The following IQGAP3 variants were observed in gnomAD, a reference collection of about 807,000 sequenced individuals.
The protein encoded by IQGAP3 is IQ motif containing GTPase activating protein 3.
A neutral mutation model predicts 208.2 loss-of-function variants in IQGAP3; 165 were observed. The ratio of observed to expected loss-of-function variants is 0.79; its 90% CI spans 0.70 to 0.90. The LOEUF (loss-of-function observed/expected upper bound fraction) is 0.90. Ranked by LOEUF, IQGAP3 falls within the 40% of genes least tolerant of loss-of-function variation. The pLI is 0.00. For missense variants in IQGAP3, 1,811 were observed against 2,043.1 expected (o/e 0.89, Z 2.19); for synonymous variants, 703 against 803.6 (o/e 0.87, Z 2.12).
At position 156,544,152 on chromosome 1, in the gene IQGAP3, A is replaced by G. The variant is rs752288978; in HGVS notation, c.2460T>C (p.Asn820=). Residue 820 remains asparagine (N), a splice_region_variant and synonymous_variant, in exon 21 of 38, where the codon AAT becomes AAC. Coordinates refer to ENST00000361170, the MANE Select transcript of IQGAP3 (RefSeq NM_178229.5). The stretch of plus-strand genomic sequence containing the variant: ...GCAGGGGGAACAAGGTGACACTCAC[A>G]TTCTTCTGGAAGTAGTGCAGACGCC... The part of the protein sequence containing the change: ...YLRRLHYFQK[N]VNSIVKIQAF... 10 of 1,614,036 alleles carry G rather than the reference A, an allele frequency of 6.2e-6. No individual in the cohort carries two copies. The highest frequency in any genetic ancestry group is 8.5e-6 in the Non-Finnish European group (10 of 1,180,002).
At chr1:156,538,233 T>G (rs1159897340) in intron 26 of IQGAP3, among the ~76,000 whole-genome samples, 1 of 152,208 alleles carries the variant, frequency 6.6e-6, no homozygotes, top group African/African-American at 2.4e-5. Flanking sequence ...GCTAATTTTT[T>G]GTATTTTTAG....
At chr1:156,555,010 T>C (rs1675760182) in intron 12 of IQGAP3, among the ~76,000 whole-genome samples, 1 of 151,990 alleles carries the variant, frequency 6.6e-6, no homozygotes, top group East Asian at 1.9e-4. Context: ...GCCGAGATCA[T>C]GCCACTGCAC....
chr1:156,543,205 G>A (rs970166043), intron 22 of IQGAP3, among the ~76,000 whole-genome samples: 1 of 152,140 alleles, frequency 6.6e-6, no homozygotes, highest in Admixed American at 6.6e-5. Flanking sequence ...TAGGGAAGGA[G>A]AGAAAGAAGC....
intron 19 of IQGAP3, among the ~76,000 whole-genome samples, chr1:156,544,872 C>A (rs982875980): frequency 6.6e-6 from 1 of 152,220 alleles, no homozygotes; most frequent in Non-Finnish European, 1.5e-5. Flanking sequence ...AGACCACCCA[C>A]ACACTATCAC....
At chr1:156,547,005 G>A (rs1408034548) in intron 19 of IQGAP3, among the ~76,000 whole-genome samples, 3 of 152,214 alleles carry the variant, frequency 2.0e-5, no homozygotes, top group African/African-American at 4.8e-5. Flanking sequence ...CAAGTGGCAT[G>A]CTCTTGGCAT....
At chr1:156,529,343 T>A (rs1037717248) in intron 34 of IQGAP3, among the ~76,000 whole-genome samples, 7 of 152,180 alleles carry the variant, frequency 4.6e-5, no homozygotes, top group Non-Finnish European at 8.8e-5. Flanking sequence ...CTTTTGTAGG[T>A]CATAAGCTGA....
intron 23 of IQGAP3, 90 bp from the exon 24 acceptor site, chr1:156,540,080 A>T: frequency 6.9e-7 from 1 of 1,452,396 alleles, no homozygotes; most frequent in Non-Finnish European, 9.6e-7. Context: ...TTGAAGAGCC[A>T]GGGCTTTCTG....
At chr1:156,560,809 T>A in intron 11 of IQGAP3, 125 bp downstream of exon 11, 1 of 645,936 alleles carries the variant, frequency 1.5e-6, no homozygotes. Context: ...GGGGAGAAGT[T>A]CCTAGCCAGG....
In IQGAP3 at chr1:156,527,962, A is replaced by G; in HGVS notation, c.4772T>C (p.Leu1591Pro). 1 of 1,611,840 alleles carries G rather than the reference A, an allele frequency of 6.2e-7. No homozygotes were observed. Among genetic ancestry groups the G allele is most frequent in the Non-Finnish European group, 8.5e-7 (1 of 1,177,904 alleles). The change falls in exon 37 of 38, where the codon CTT becomes CCT. Residue 1591 changes from leucine (L) to proline (P), a missense_variant. Leu to Pro is a moderately conservative substitution (Grantham distance 98, BLOSUM62 -3). Transcript: ENST00000361170. ...GGACTGTCCCCTCACCTGATAGTGA[A>G]GCTGAAATCGCTCCATGTCCACACC... is the stretch of plus-strand genomic sequence containing the variant. ...FLGVDMERFQ[L>P]HYQDLLQLQY...
intron 19 of IQGAP3, among the ~76,000 whole-genome samples, chr1:156,546,288 T>A (rs993325223): frequency 7.2e-5 from 11 of 152,150 alleles, no homozygotes; most frequent in Non-Finnish European, 1.5e-4. Flanking sequence ...AAGCCTCATT[T>A]TGGATTTTCC....
chr1:156,538,269 C>T (rs925186049), intron 26 of IQGAP3, among the ~76,000 whole-genome samples: 6 of 152,144 alleles, frequency 3.9e-5, no homozygotes, highest in Admixed American at 2.0e-4. Context: ...ACCATGTTAG[C>T]CAGGATAGTC....
Position 156,533,923 on chromosome 1 carries a change from T to C in IQGAP3, c.3874-48A>G, listed in dbSNP as rs114248519. The C allele has an allele frequency of 8.0e-4, 1,290 of 1,604,000 alleles. 5 individuals are homozygous for C. The African/African-American group carries it at 0.016, about 19-fold the overall frequency. ...GAGATGCAGGGTCTGAGCCAGGTCTTCCCTCTGGGGCCAGCCCACTACCCC... is the reference window on the plus strand; with the variant it reads ...GAGATGCAGGGTCTGAGCCAGGTCTCCCCTCTGGGGCCAGCCCACTACCCC... On this transcript the variant is annotated intron_variant, in intron 30 of 37. Coordinates refer to ENST00000361170, the MANE Select transcript of IQGAP3 (RefSeq NM_178229.5).
rs1223160601 is a variant in IQGAP3, at chr1:156,532,406, A to C, written c.4103+574T>G. ...CATCTCAAAAAAAAAAAAAAAAAAA[A>C]AGTGGAATTAGAACATGAGCTCTAC... On this transcript the variant is annotated intron_variant, in intron 32 of 37. Coordinates refer to ENST00000361170, the MANE Select transcript of IQGAP3 (RefSeq NM_178229.5). 3.3e-5 allele frequency among the ~76,000 whole-genome samples: 5 copies of C among 151,774 alleles called. No homozygotes were observed. The East Asian group carries it at 5.8e-4, about 18-fold the overall frequency.
chr1:156,535,204 C>A lies in IQGAP3; in HGVS notation c.3466G>T (p.Ala1156Ser). 6.2e-7 allele frequency: 1 copy of A among 1,613,604 alleles called. No homozygotes were observed. Among genetic ancestry groups the A allele is most frequent in the Non-Finnish European group, 8.5e-7 (1 of 1,179,762 alleles). The stretch of plus-strand genomic sequence containing the variant: ...TCTGTGGCGTCAGGGAATTTCTCTG[C>A]CAGAGTTGCCTTCAGGACTTTGGCC... ...YVAKVLKATLAEKFPDATDSE... is the reference protein window; with the variant it reads ...YVAKVLKATLSEKFPDATDSE... Residue 1156 changes from alanine (A) to serine (S), a missense_variant, in exon 28 of 38, where the codon GCA becomes TCA. Coordinates refer to ENST00000361170, the MANE Select transcript of IQGAP3 (RefSeq NM_178229.5).
intron 16 of IQGAP3, 85 bp downstream of exon 16, chr1:156,550,176 A>G: frequency 3.3e-6 from 3 of 913,004 alleles, no homozygotes; most frequent in Non-Finnish European, 5.3e-6. Context: ...GGTGGTGACC[A>G]GGGAGGCTGC....
chr1:156,528,441 G>T, intron 36 of IQGAP3, 68 bp downstream of exon 36: 1 of 1,177,924 alleles, frequency 8.5e-7, no homozygotes, highest in Non-Finnish European at 1.3e-6. Context: ...CCGGTGCCCA[G>T]CCCAGAGCTC....
intron 22 of IQGAP3, among the ~76,000 whole-genome samples, chr1:156,543,332 A>C (rs889717301): frequency 8.5e-5 from 13 of 152,198 alleles, no homozygotes; most frequent in Admixed American, 7.9e-4. Flanking sequence ...GGATTCCTGA[A>C]CAGGACATCT....
intron 1 of IQGAP3, among the ~76,000 whole-genome samples, chr1:156,572,131 T>C (rs963614969): frequency 1.3e-5 from 2 of 152,200 alleles, no homozygotes; most frequent in Non-Finnish European, 1.5e-5. Flanking sequence ...CCAGATCCCT[T>C]GAGGCGTCTT....
rs1479757030 is a variant in IQGAP3 at position 156,537,203 on chromosome 1, T to C, written c.3400A>G (p.Thr1134Ala). 1 of 1,613,694 alleles carries C rather than the reference T, an allele frequency of 6.2e-7. No individual in the cohort carries two copies. Among genetic ancestry groups the C allele is most frequent in the East Asian group, 2.2e-5 (1 of 44,850 alleles). ...AMTDKFLLAITSSVDQIPYGM... is the reference protein window; with the variant it reads ...AMTDKFLLAIASSVDQIPYGM... ...TACGGAATTTGGTCCACAGATGAGGTGATGGCTAAAAGGAACTTATCAGTC... is the reference window on the plus strand; with the variant it reads ...TACGGAATTTGGTCCACAGATGAGGCGATGGCTAAAAGGAACTTATCAGTC... Residue 1134 changes from threonine to alanine, a missense_variant, in exon 27 of 38, where the codon ACC (threonine) becomes GCC (alanine). Coordinates refer to ENST00000361170, the MANE Select transcript of IQGAP3 (RefSeq NM_178229.5).
Sources: gnomAD v4.1 joint callset for allele counts (sites outside exome capture counted in the v4.1 genomes callset) on GRCh38, gnomAD v4.1.1 for gene constraint, MANE v1.5 for transcripts, NCBI Gene and HGNC (gene_info 2026-07-23, HGNC 2026-07-21) for gene names.